ITPRIPL1: variants seen among roughly 807,000 people sequenced by gnomAD.
The protein encoded by ITPRIPL1 is inositol 1,4,5-trisphosphate receptor-interacting protein-like 1.
ITPRIPL1 carries 28 observed loss-of-function variants against 40.0 expected under a neutral mutation model. The ratio of observed to expected loss-of-function variants is 0.70; its 90% CI spans 0.52 to 0.96. The LOEUF (loss-of-function observed/expected upper bound fraction) is 0.96. Ranked by LOEUF, ITPRIPL1 falls within the 40% of genes least tolerant of loss-of-function variation. The pLI, the probability that ITPRIPL1 is intolerant of heterozygous loss-of-function variation, is 0.00. For missense variants in ITPRIPL1, 638 were observed against 698.0 expected, an observed-to-expected ratio of 0.91 and a Z score of 0.97; for synonymous variants, 251 against 275.7, an observed-to-expected ratio of 0.91 and a Z score of 0.89.
In ITPRIPL1 at chr2:96,326,949, C is replaced by T; in HGVS notation, c.318C>T (p.Gly106=). ...FQADGQEGPL[G]WMLGNLWNTG... The stretch of plus-strand genomic sequence containing the variant: ...CCGATGGCCAGGAAGGGCCTCTGGG[C>T]TGGATGCTGGGAAACCTGTGGAACA... The change falls in exon 3 of 3, where the codon GGC becomes GGT. Residue 106 remains glycine, a synonymous_variant. Coordinates refer to ENST00000439118, the MANE Select transcript of ITPRIPL1 (RefSeq NM_001008949.3). The T allele has an allele frequency of 6.2e-7, 1 of 1,614,234 alleles. No homozygotes were observed. Among genetic ancestry groups the T allele is most frequent in the Non-Finnish European group, 8.5e-7 (1 of 1,180,048 alleles).
In ITPRIPL1 at chr2:96,325,836, C is replaced by T; in HGVS notation, c.-4C>T. ...GCTTCAGCGTCCACACGGCATAGTC[C>T]TTCATGAATGTTGGTAAGCGCGGTA... On this transcript the variant is annotated 5_prime_UTR_variant, in exon 2 of 3. Coordinates refer to ENST00000439118, the MANE Select transcript of ITPRIPL1 (RefSeq NM_001008949.3). 6.2e-7 allele frequency: 1 copy of T among 1,613,960 alleles called. No individual in the cohort carries two copies. The highest frequency in any genetic ancestry group is 1.1e-5 in the South Asian group (1 of 91,092).
chr2:96,327,278 G>C lies in ITPRIPL1; in HGVS notation c.647G>C (p.Cys216Ser). ...GAGGCTCACCCACAATTGGAAGACT[G>C]CCTGGGCATCGGGGCTGCCTTTGAG... ...RQEAHPQLED[C>S]LGIGAAFEKW... The change falls in exon 3 of 3, where the codon TGC becomes TCC. Residue 216 changes from cysteine to serine, a missense_variant. Transcript: ENST00000439118. 6.2e-7 allele frequency: 1 copy of C among 1,614,166 alleles called. No homozygotes were observed. Among genetic ancestry groups the C allele is most frequent in the Non-Finnish European group, 8.5e-7 (1 of 1,180,042 alleles).
chr2:96,328,212 G>C lies in ITPRIPL1; in HGVS notation c.1581G>C (p.Lys527Asn), dbSNP rs1299248761. The C allele has an allele frequency of 6.2e-7, 1 of 1,614,048 alleles. No individual in the cohort carries two copies. Among genetic ancestry groups the C allele is most frequent in the Admixed American group, 1.7e-5 (1 of 60,004 alleles). Residue 527 changes from lysine to asparagine, a missense_variant, in exon 3 of 3, where the codon AAG becomes AAC. Transcript: ENST00000439118. ...NLFQHLVLNP[K>N]AHSQAVEEFQ... ...TCCAACACCTGGTGCTCAACCCCAAGGCACATTCACAGGCAGTGGAAGAGT... is the reference window on the plus strand; with the variant it reads ...TCCAACACCTGGTGCTCAACCCCAACGCACATTCACAGGCAGTGGAAGAGT...
chr2:96,326,559 G>T (rs1558779861), intron 2 of ITPRIPL1, 83 bp from the exon 3 acceptor site: 2 of 1,588,404 alleles, frequency 1.3e-6, no homozygotes, highest in Non-Finnish European at 1.7e-6. Flanking sequence ...AGAATTTGGG[G>T]TACCAGGGCT....
chr2:96,327,054 T>G lies in ITPRIPL1; in HGVS notation c.423T>G (p.Ser141Arg). The change falls in exon 3 of 3, where the codon AGT becomes AGG. Residue 141 changes from serine (S) to arginine (R), a missense_variant. Transcript: ENST00000439118. ...ATGAACCGGCCTTTGATTCCAGCAG[T>G]GAGGAGGAGGAGGAGGAAGTCCGTG... is the stretch of plus-strand genomic sequence containing the variant. Reference protein sequence around the residue: ...MQHEPAFDSSSEEEEEEVRVV... With the variant: ...MQHEPAFDSSREEEEEEVRVV... 4 of 1,613,240 alleles carry G rather than the reference T, an allele frequency of 2.5e-6. No individual in the cohort carries two copies. The highest frequency in any genetic ancestry group is 3.4e-6 in the Non-Finnish European group (4 of 1,179,398).
Position 96,326,658 on chromosome 2 carries a change from G to A in ITPRIPL1, c.27G>A (p.Met9Ile), listed in dbSNP as rs1206096208. Residue 9 changes from methionine to isoleucine, a missense_variant, in exon 3 of 3, where the codon ATG (methionine) becomes ATA (isoleucine). Transcript: ENST00000439118. ...CTTCTCCAGATGCAGAGGCCTCCAT[G>A]GCTGTGATAAGCCTGCTGTTCTTGG... is the stretch of plus-strand genomic sequence containing the variant. MNVDAEAS[M>I]AVISLLFLAV... 1.2e-6 allele frequency: 2 copies of A among 1,614,206 alleles called. No homozygotes were observed. The highest frequency in any genetic ancestry group is 2.2e-5 in the East Asian group (1 of 44,880).
rs553685240 is a variant in ITPRIPL1 at position 96,327,592 on chromosome 2, T to C, written c.961T>C (p.Trp321Arg). The change falls in exon 3 of 3, where the codon TGG becomes CGG. Residue 321 changes from tryptophan to arginine, a missense_variant. By Grantham distance (101) the Trp-to-Arg change is moderately radical. Coordinates refer to ENST00000439118, the MANE Select transcript of ITPRIPL1 (RefSeq NM_001008949.3). ...CCTAGACGTGTGCAAGACTGTGCAGTGGTTCCGGAACATGATGGGCAATGC... is the reference window on the plus strand; with the variant it reads ...CCTAGACGTGTGCAAGACTGTGCAGCGGTTCCGGAACATGATGGGCAATGC... ...FHLDVCKTVQWFRNMMGNAWA... is the reference protein window; with the variant it reads ...FHLDVCKTVQRFRNMMGNAWA... 6.2e-7 allele frequency: 1 copy of C among 1,609,052 alleles called. No homozygotes were observed. The highest frequency in any genetic ancestry group is 2.2e-5 in the East Asian group (1 of 44,806).
In ITPRIPL1 at chr2:96,327,578, G is replaced by A. The variant is rs2064124614; in HGVS notation, c.947G>A (p.Cys316Tyr). ...TGCACCGGCTTCCACCTAGACGTGT[G>A]CAAGACTGTGCAGTGGTTCCGGAAC... Reference protein sequence around the residue: ...ALCTGFHLDVCKTVQWFRNMM... With the variant: ...ALCTGFHLDVYKTVQWFRNMM... Residue 316 changes from cysteine to tyrosine, a missense_variant, in exon 3 of 3, where the codon TGC (cysteine) becomes TAC (tyrosine). Coordinates refer to ENST00000439118, the MANE Select transcript of ITPRIPL1 (RefSeq NM_001008949.3). 6.2e-7 allele frequency: 1 copy of A among 1,610,690 alleles called. No individual in the cohort carries two copies. The highest frequency in any genetic ancestry group is 8.5e-7 in the Non-Finnish European group (1 of 1,178,620).
Position 96,328,277 on chromosome 2 carries a change from C to A in ITPRIPL1, c.1646C>A (p.Ala549Asp), listed in dbSNP as rs765935580. Residue 549 changes from alanine to aspartate, a missense_variant, in exon 3 of 3, where the codon GCC becomes GAC. Coordinates refer to ENST00000439118, the MANE Select transcript of ITPRIPL1 (RefSeq NM_001008949.3). Reference sequence around the variant, plus strand: ...ACCCAGGTGAAAACTCTGCCTCATGCCCCACTGGCTGCAGCACCTTGATGT... The same window carrying A: ...ACCCAGGTGAAAACTCTGCCTCATGACCCACTGGCTGCAGCACCTTGATGT... Reference protein sequence around the residue: ...LLTQVKTLPHAPLAAAP With the variant: ...LLTQVKTLPHDPLAAAP 1.2e-6 allele frequency: 2 copies of A among 1,612,974 alleles called. No individual in the cohort carries two copies. Among genetic ancestry groups the A allele is most frequent in the Non-Finnish European group, 1.7e-6 (2 of 1,179,456 alleles).
chr2:96,329,214 C>G (rs1407303292), downstream of ITPRIPL1: 2 of 119,324 alleles, frequency 1.7e-5, no homozygotes, highest in Non-Finnish European at 3.3e-5. Flanking sequence ...GTTTACATTC[C>G]ATTTTCTTAA....
Position 96,326,919 on chromosome 2 carries a change from C to T in ITPRIPL1, c.288C>T (p.Phe96=). ...VLGKKDMGWP[F]QADGQEGPLG... is the part of the protein sequence containing the mutation. Reference sequence around the variant, plus strand: ...GGAAGAAAGACATGGGGTGGCCGTTCCAGGCCGATGGCCAGGAAGGGCCTC... The same window carrying T: ...GGAAGAAAGACATGGGGTGGCCGTTTCAGGCCGATGGCCAGGAAGGGCCTC... Residue 96 remains phenylalanine, a synonymous_variant, in exon 3 of 3, where the codon TTC becomes TTT. Transcript: ENST00000439118. The T allele has an allele frequency of 6.2e-7, 1 of 1,614,254 alleles. No homozygotes were observed.
At chr2:96,330,276 A>AAAT, downstream of ITPRIPL1, 1 of 150,842 alleles carries the variant, frequency 6.6e-6, no homozygotes, top group East Asian at 1.9e-4. Flanking sequence ...AAAAAAAAAA[A>AAAT]AGGTTCCCAG....
intron 2 of ITPRIPL1, chr2:96,326,333 C>T (rs1039039070): frequency 1.4e-6 from 2 of 1,479,032 alleles, no homozygotes; most frequent in Admixed American, 2.0e-5. Context: ...CCACAAGGGT[C>T]CCCCTCCCCA....
chr2:96,329,149 TTATATA>T (rs57173953), downstream of ITPRIPL1: 4,972 of 84,956 alleles, frequency 0.059, 218 homozygotes, highest in African/African-American at 0.14. Flanking sequence ...AAAAAAAAAA[TTATATA>T]TATATATATA....
At chr2:96,326,084 CTT>C (rs1281869418) in intron 2 of ITPRIPL1, 4 of 1,313,348 alleles carry the variant, frequency 3.0e-6, no homozygotes, top group Non-Finnish European at 2.1e-6. Flanking sequence ...CTGTGCCTCT[CTT>C]GCGCTCCCTG....
rs572443718 is a variant in ITPRIPL1, at chr2:96,328,175, C to G, written c.1544C>G (p.Pro515Arg). 1 of 1,614,108 alleles carries G rather than the reference C, an allele frequency of 6.2e-7. No individual in the cohort carries two copies. Among genetic ancestry groups the G allele is most frequent in the East Asian group, 2.2e-5 (1 of 44,882 alleles). ...PIPKTFRNAE[P>R]VNLFQHLVLN... Reference sequence around the variant, plus strand: ...CCTAAGACATTTAGGAATGCTGAGCCGGTCAATCTCTTCCAACACCTGGTG... The same window carrying G: ...CCTAAGACATTTAGGAATGCTGAGCGGGTCAATCTCTTCCAACACCTGGTG... The change falls in exon 3 of 3, where the codon CCG (proline) becomes CGG (arginine). Residue 515 changes from proline (P) to arginine (R), a missense_variant. Transcript: ENST00000439118.
At chr2:96,326,134 A>T (rs2064104344) in intron 2 of ITPRIPL1, 2 of 1,475,160 alleles carry the variant, frequency 1.4e-6, no homozygotes, top group African/African-American at 2.8e-5. Flanking sequence ...GGCTCACTTC[A>T]TACTGGGTGA....
In ITPRIPL1 at chr2:96,327,457, G is replaced by A. The variant is rs568851903; in HGVS notation, c.826G>A (p.Glu276Lys). The change falls in exon 3 of 3, where the codon GAG becomes AAG. Residue 276 changes from glutamate (E) to lysine (K), a missense_variant. Physicochemically the swap from Glu to Lys is moderately conservative, Grantham distance 56. Transcript: ENST00000439118. ...GGAGTCAGAATGTGTGTGCAAGCGTGAGAAACTCCTAGGGGACGTGCTGTG... is the reference window on the plus strand; with the variant it reads ...GGAGTCAGAATGTGTGTGCAAGCGTAAGAAACTCCTAGGGGACGTGCTGTG... ...LVESECVCKR[E>K]KLLGDVLCLV... The A allele has an allele frequency of 8.5e-5, 138 of 1,614,080 alleles. No individual in the cohort carries two copies. The highest frequency in any genetic ancestry group is 1.1e-4 in the Non-Finnish European group (133 of 1,179,982).
In ITPRIPL1 at chr2:96,325,640, G is replaced by C. The variant is rs1405342352; in HGVS notation, c.-94+75G>C. On this transcript the variant is annotated intron_variant, in intron 1 of 2. Coordinates refer to ENST00000439118, the MANE Select transcript of ITPRIPL1 (RefSeq NM_001008949.3). ...CCCTTGGCCTCCTACGGATAGGCGG[G>C]TGAGAGTACAAATCTCTGGGCGTGG... 3 of 634,822 alleles carry C rather than the reference G, an allele frequency of 4.7e-6. No homozygotes were observed. In the African/African-American group the frequency reaches 5.5e-5, roughly 12 times the overall value. The allele number at this position is 634,822 out of a possible 1,614,324, so 39.3% of individuals were successfully genotyped here.
Sources: allele counts gnomAD v4.1 joint callset, GRCh38; gene constraint gnomAD v4.1.1; transcripts MANE v1.5; gene names NCBI Gene and HGNC (gene_info 2026-07-23, HGNC 2026-07-21).